TENM3: variants seen among roughly 807,000 people sequenced by gnomAD.
The protein encoded by TENM3 is teneurin-3.
In TENM3, 63 loss-of-function variants were observed where a neutral mutation model predicts 255.1. That is an observed-to-expected ratio of 0.25 (90% CI 0.20 to 0.30). The LOEUF (loss-of-function observed/expected upper bound fraction) is 0.30. Among genes scored for constraint, TENM3 ranks in the 10% least tolerant of loss-of-function variants. The pLI is 1.00. For synonymous variants in TENM3, 1,306 were observed against 1,322.3 expected (o/e 0.99, Z 0.27); for missense variants, 2,929 against 3,461.1 (o/e 0.85, Z 3.86).
chr4:181,924,578 T>A, the TENM3 span, among the ~76,000 whole-genome samples: 1 of 152,238 alleles, frequency 6.6e-6, no homozygotes, highest in African/African-American at 2.4e-5. Context: ...GGAGAACTGT[T>A]CATTGTTAAT....
At chr4:182,154,570 A>T (rs185803667) in intron 1 of TENM3, among the ~76,000 whole-genome samples, 3 of 152,338 alleles carry the variant, frequency 2.0e-5, no homozygotes, top group African/African-American at 7.2e-5. Context: ...AAGCCAGATT[A>T]TCTATTGAAG....
chr4:182,459,627 A>T (rs1774173934), intron 3 of TENM3, among the ~76,000 whole-genome samples: 1 of 152,218 alleles, frequency 6.6e-6, no homozygotes, highest in South Asian at 2.1e-4. Context: ...TACAAAGGCA[A>T]AGCTCAGTCT....
the TENM3 span, chr4:181,821,421 C>T: frequency 6.6e-6 from 1 of 152,158 alleles, no homozygotes; most frequent in Non-Finnish European, 1.5e-5. Context: ...TAATGAGACT[C>T]CTTGAAGACA....
intron 3 of TENM3, among the ~76,000 whole-genome samples, chr4:182,587,804 AAATT>A (rs1746197728): frequency 6.6e-6 from 1 of 152,166 alleles, no homozygotes; most frequent in African/African-American, 2.4e-5. Flanking sequence ...AATCTGAAAT[AAATT>A]TAAGTTGGAT....
At chr4:181,665,182 C>T in the TENM3 span, among the ~76,000 whole-genome samples, 1 of 152,112 alleles carries the variant, frequency 6.6e-6, no homozygotes, top group Non-Finnish European at 1.5e-5. Flanking sequence ...CACTGAGGCA[C>T]CAGAACATCA....
chr4:181,527,893 C>T, the TENM3 span, among the ~76,000 whole-genome samples: 2 of 151,824 alleles, frequency 1.3e-5, no homozygotes, highest in South Asian at 2.1e-4. Context: ...TTCATTTAAA[C>T]TTATACTTCT....
rs1256303055 is a variant in TENM3, at chr4:182,298,052, TC to T, written c.-75-25892del. Among the ~76,000 whole-genome samples, 19 of 152,340 alleles carry T rather than the reference TC, an allele frequency of 1.2e-4. No homozygotes were observed. In the East Asian group the frequency reaches 3.5e-3, roughly 28 times the overall value. On this transcript the variant is annotated intron_variant, in intron 1 of 27. Transcript: ENST00000511685. Reference sequence around the variant, plus strand: ...GGTGCATCTTACGTTGAACGTCACCTCCTTCAGAGAGCATCATCCCCATCCC... The same window carrying T: ...GGTGCATCTTACGTTGAACGTCACCTCTTCAGAGAGCATCATCCCCATCCC...
chr4:182,730,428 C>T, intron 15 of TENM3, 109 bp downstream of exon 15: 1 of 1,233,156 alleles, frequency 8.1e-7, no homozygotes, highest in Non-Finnish European at 1.1e-6. Context: ...AATGCAGCAA[C>T]TTTTTAGACT....
the TENM3 span, among the ~76,000 whole-genome samples, chr4:182,095,297 C>T: frequency 8.5e-5 from 13 of 152,100 alleles, no homozygotes; most frequent in African/African-American, 3.1e-4. Flanking sequence ...AACAGATGAA[C>T]CGATAAAGAC....
chr4:181,950,319 TC>T, the TENM3 span, among the ~76,000 whole-genome samples: 1 of 150,884 alleles, frequency 6.6e-6, no homozygotes, highest in Non-Finnish European at 1.5e-5. Context: ...CTTCGCTGAG[TC>T]CCTTTTCGGA....
chr4:182,760,547 A>G (rs768995374), intron 22 of TENM3, among the ~76,000 whole-genome samples: 3 of 149,382 alleles, frequency 2.0e-5, no homozygotes, highest in Non-Finnish European at 3.0e-5. Flanking sequence ...GGTTAGCGAC[A>G]TTTTTTTAAA....
the TENM3 span, among the ~76,000 whole-genome samples, chr4:181,498,616 C>G: frequency 6.6e-6 from 1 of 152,162 alleles, no homozygotes. Context: ...GTCTGTGTTG[C>G]TCCAGCGTTT....
chr4:181,559,521 G>A, the TENM3 span, among the ~76,000 whole-genome samples: 1 of 152,158 alleles, frequency 6.6e-6, no homozygotes, highest in African/African-American at 2.4e-5. Context: ...AGCTCTTCCA[G>A]TCTCTGTTTC....
At chr4:182,670,004 C>A (rs1338065838) in intron 6 of TENM3, among the ~76,000 whole-genome samples, 1 of 152,138 alleles carries the variant, frequency 6.6e-6, no homozygotes, top group Non-Finnish European at 1.5e-5. Flanking sequence ...AATGTAGGTT[C>A]CTTTGCAGAA....
the TENM3 span, among the ~76,000 whole-genome samples, chr4:181,800,187 C>T: frequency 1.3e-5 from 2 of 152,168 alleles, no homozygotes; most frequent in African/African-American, 2.4e-5. Context: ...AAACTCCTAA[C>T]CGTGTAATGA....
chr4:181,656,728 T>C, the TENM3 span, among the ~76,000 whole-genome samples: 2 of 151,440 alleles, frequency 1.3e-5, no homozygotes, highest in African/African-American at 4.9e-5. Context: ...ATGAACTGAA[T>C]ATTGAAGGGA....
At chr4:182,396,568 G>A (rs928390821) in intron 3 of TENM3, among the ~76,000 whole-genome samples, 4 of 152,110 alleles carry the variant, frequency 2.6e-5, no homozygotes, top group African/African-American at 9.7e-5. Flanking sequence ...TTCAGATTGA[G>A]GTGGAAGTCT....
At chr4:182,181,424 G>A (rs371921088) in intron 1 of TENM3, among the ~76,000 whole-genome samples, 9 of 152,320 alleles carry the variant, frequency 5.9e-5, no homozygotes, top group East Asian at 1.9e-4. Flanking sequence ...TGCGGGAGCC[G>A]CGGAGCTCAG....
chr4:182,212,419 C>A (rs1755110526), intron 1 of TENM3, among the ~76,000 whole-genome samples: 1 of 152,178 alleles, frequency 6.6e-6, no homozygotes, highest in South Asian at 2.1e-4. Context: ...GGAGTCTCTG[C>A]AGGCGCCCGT....
Sources: gnomAD v4.1 joint callset for allele counts (sites outside exome capture counted in the v4.1 genomes callset) on GRCh38, gnomAD v4.1.1 for gene constraint, MANE v1.5 for transcripts, NCBI Gene and HGNC (gene_info 2026-07-23, HGNC 2026-07-21) for gene names.